Variants in FAM185A observed in about 807,000 individuals in gnomAD.
FAM185A encodes family with sequence similarity 185 member A.
Under a neutral mutation model 45.7 loss-of-function variants are expected in FAM185A, and 21 were observed. The observed-to-expected ratio is 0.46, with a 90% CI of 0.33 to 0.66. FAM185A has a LOEUF of 0.66. FAM185A is among the 30% of genes least tolerant of loss of function. The probability of loss-of-function intolerance (pLI) is 0.03; values close to 1 mark genes in which losing one functional copy is unlikely to be tolerated. For synonymous variants in FAM185A, 117 were observed against 194.0 expected (o/e 0.60, Z 3.30); for missense variants, 305 against 485.4 (o/e 0.63, Z 3.49).
chr7:102,780,728 C>T lies in FAM185A; in HGVS notation c.931+3380C>T, dbSNP rs368684491. On this transcript the variant is annotated intron_variant, in intron 6 of 7. Transcript: ENST00000413034. ...AACAGCTCCAGTCTACAGCTGCCAG[C>T]GTGAGCGACGCAGAAGACAGGTGAT... 3.4e-4 allele frequency among the ~76,000 whole-genome samples: 52 copies of T among 152,280 alleles called. No homozygotes were observed. In the East Asian group the frequency reaches 9.3e-3, roughly 27 times the overall value.
At chr7:102,831,580 T>C in the FAM185A span, among the ~76,000 whole-genome samples, 1 of 152,196 alleles carries the variant, frequency 6.6e-6, no homozygotes. Context: ...TCTAGAGATC[T>C]ATCTACTTCT....
At chr7:102,838,868 CT>C in the FAM185A span, among the ~76,000 whole-genome samples, 1 of 152,166 alleles carries the variant, frequency 6.6e-6, no homozygotes, top group Admixed American at 6.5e-5. Flanking sequence ...ATGTGATAGT[CT>C]GAAATATGGC....
intron 7 of FAM185A, among the ~76,000 whole-genome samples, chr7:102,796,331 C>T (rs1422048197): frequency 3.9e-5 from 6 of 152,212 alleles, no homozygotes; most frequent in East Asian, 1.9e-4. Flanking sequence ...TGATGTTATC[C>T]GCAGGAGCAA....
chr7:102,826,043 A>G, the FAM185A span, among the ~76,000 whole-genome samples: 2 of 152,130 alleles, frequency 1.3e-5, no homozygotes, highest in Non-Finnish European at 2.9e-5. Context: ...CCATTAATAT[A>G]TGTGATTTTT....
At chr7:102,768,982 C>T (rs957116286) in intron 4 of FAM185A, among the ~76,000 whole-genome samples, 15 of 152,124 alleles carry the variant, frequency 9.9e-5, no homozygotes, top group African/African-American at 3.1e-4. Flanking sequence ...GCTTGGTATA[C>T]TTTTAAATAT....
At chr7:102,812,464 C>T (rs1797483689), downstream of FAM185A, among the ~76,000 whole-genome samples, 1 of 151,962 alleles carries the variant, frequency 6.6e-6, no homozygotes, top group Non-Finnish European at 1.5e-5. Flanking sequence ...TTTAATTTGC[C>T]CCTGACTAAG....
Position 102,772,427 on chromosome 7 carries a change from G to A in FAM185A, c.812G>A (p.Ser271Asn), listed in dbSNP as rs959042322. 6.5e-7 allele frequency: 1 copy of A among 1,544,020 alleles called. No homozygotes were observed. The highest frequency in any genetic ancestry group is 1.4e-5 in the African/African-American group (1 of 72,228). Reference protein sequence around the residue: ...GSVHGNITLQSKMGNITVDSS... With the variant: ...GSVHGNITLQNKMGNITVDSS... Reference sequence around the variant, plus strand: ...TTGGCAGGTAATATAACATTACAAAGCAAGATGGGTAACATCACAGTAGGT... The same window carrying A: ...TTGGCAGGTAATATAACATTACAAAACAAGATGGGTAACATCACAGTAGGT... The change falls in exon 5 of 8, where the codon AGC (serine) becomes AAC (asparagine). Residue 271 changes from serine to asparagine, a missense_variant. By Grantham distance (46) the Ser-to-Asn change is conservative. Coordinates refer to ENST00000413034, the MANE Select transcript of FAM185A (RefSeq NM_001145268.2).
At chr7:102,797,290 A>G (rs1796488390) in intron 7 of FAM185A, among the ~76,000 whole-genome samples, 1 of 152,002 alleles carries the variant, frequency 6.6e-6, no homozygotes, top group Admixed American at 6.6e-5. Flanking sequence ...GTGAAACCCC[A>G]TTTCTACTAA....
the FAM185A span, among the ~76,000 whole-genome samples, chr7:102,844,419 A>G: frequency 6.6e-6 from 1 of 152,212 alleles, no homozygotes; most frequent in South Asian, 2.1e-4. Context: ...ACTTGTAGGT[A>G]GAGTAAAAAC....
chr7:102,815,697 C>T, the FAM185A span, among the ~76,000 whole-genome samples: 1 of 152,006 alleles, frequency 6.6e-6, no homozygotes, highest in African/African-American at 2.4e-5. Flanking sequence ...TCCTCATTCA[C>T]CAAGTTACAT....
At chr7:102,758,996 G>C (rs547279586) in intron 3 of FAM185A, among the ~76,000 whole-genome samples, 1 of 152,018 alleles carries the variant, frequency 6.6e-6, no homozygotes, top group Non-Finnish European at 1.5e-5. Context: ...CTTAGACCCC[G>C]TGGGAGGTTG....
At chr7:102,814,855 A>G in the FAM185A span, among the ~76,000 whole-genome samples, 4 of 151,972 alleles carry the variant, frequency 2.6e-5, no homozygotes, top group Non-Finnish European at 5.9e-5. Flanking sequence ...TGCATTTTAA[A>G]CCTCTTATAT....
At chr7:102,832,458 A>G in the FAM185A span, among the ~76,000 whole-genome samples, 1 of 152,228 alleles carries the variant, frequency 6.6e-6, no homozygotes, top group African/African-American at 2.4e-5. Flanking sequence ...TATGGATTTA[A>G]TAACTTGTAA....
the FAM185A span, among the ~76,000 whole-genome samples, chr7:102,824,720 A>G: frequency 1.3e-5 from 2 of 151,606 alleles, no homozygotes; most frequent in Admixed American, 6.6e-5. Context: ...TGATGACCTC[A>G]AGTGATCCGC....
chr7:102,848,555 CAAAAAAAAAAAAAAAAAAAAAAAAAAAAA>C, the FAM185A span, among the ~76,000 whole-genome samples: 20 of 1,824 alleles, frequency 0.011, 1 homozygote, highest in Admixed American at 0.038. Flanking sequence ...GACTCCGTCT[CAAAAAAAAAAAAAAAAAAAAAAAAAAAAA>C]AAAAAAAAAA....
the FAM185A span, among the ~76,000 whole-genome samples, chr7:102,819,036 A>G: frequency 6.6e-6 from 1 of 151,954 alleles, no homozygotes; most frequent in East Asian, 1.9e-4. Context: ...CCCACTTATA[A>G]GTGAGAACAT....
intron 4 of FAM185A, among the ~76,000 whole-genome samples, chr7:102,768,818 A>G (rs1308055819): frequency 6.6e-6 from 1 of 152,076 alleles, no homozygotes; most frequent in Non-Finnish European, 1.5e-5. Context: ...AAGCACACAT[A>G]GTTATTACAG....
the FAM185A span, among the ~76,000 whole-genome samples, chr7:102,832,179 G>A: frequency 6.6e-6 from 1 of 152,088 alleles, no homozygotes; most frequent in Non-Finnish European, 1.5e-5. Flanking sequence ...TTTTCATAAT[G>A]AGTACTTACT....
chr7:102,793,602 G>A (rs576484483), intron 7 of FAM185A, among the ~76,000 whole-genome samples: 3 of 151,508 alleles, frequency 2.0e-5, no homozygotes, highest in Non-Finnish European at 4.4e-5. Context: ...GTTAATGTTT[G>A]CCCCAAAAAA....
Sources: allele counts gnomAD v4.1 joint callset (sites outside exome capture counted in the v4.1 genomes callset), GRCh38; gene constraint gnomAD v4.1.1; transcripts MANE v1.5; gene names NCBI Gene and HGNC (gene_info 2026-07-23, HGNC 2026-07-21).